PCLO: variants seen among roughly 807,000 people sequenced by gnomAD.
PCLO encodes the protein piccolo presynaptic cytomatrix protein.
Under a neutral mutation model 427.5 loss-of-function variants are expected in PCLO, and 82 were observed. The observed-to-expected ratio is 0.19, with a 90% CI of 0.16 to 0.23. The LOEUF (loss-of-function observed/expected upper bound fraction) is 0.23. Among genes scored for constraint, PCLO ranks in the 10% least tolerant of loss-of-function variants. PCLO has a pLI of 1.00. For missense variants in PCLO, 6,239 were observed against 6,115.9 expected, an observed-to-expected ratio of 1.02 and a Z score of -0.67; for synonymous variants, 2,357 against 2,155.4, an observed-to-expected ratio of 1.09 and a Z score of -2.59.
intron 6 of PCLO, among the ~76,000 whole-genome samples, chr7:82,918,222 T>A (rs1001698689): frequency 2.0e-5 from 3 of 151,996 alleles, no homozygotes; most frequent in Admixed American, 6.6e-5. Flanking sequence ...AAGGCAGCTG[T>A]TTGACATGTC....
chr7:82,765,992 C>A (rs1790524719), intron 22 of PCLO, among the ~76,000 whole-genome samples: 1 of 151,924 alleles, frequency 6.6e-6, no homozygotes, highest in South Asian at 2.1e-4. Flanking sequence ...GAAGTGATGT[C>A]TAGGAATGAA....
chr7:82,928,003 TTATC>T, intron 6 of PCLO, among the ~76,000 whole-genome samples: 1 of 152,320 alleles, frequency 6.6e-6, no homozygotes, highest in South Asian at 2.1e-4. Context: ...ATTTATTCAT[TTATC>T]TATGTGTGTA....
intron 10 of PCLO, among the ~76,000 whole-genome samples, chr7:82,873,826 T>C (rs200517735): frequency 8.3e-4 from 73 of 87,456 alleles, no homozygotes; most frequent in African/African-American, 2.7e-3. Context: ...ATTGGGGGGG[T>C]GGTTTCTGTC....
chr7:82,926,308 T>A (rs1450512342), intron 6 of PCLO, among the ~76,000 whole-genome samples: 3 of 152,122 alleles, frequency 2.0e-5, no homozygotes, highest in African/African-American at 4.8e-5. Context: ...ATTATAGACA[T>A]CTTTATTCAT....
chr7:82,765,420 G>GGAACA (rs1301630399), intron 22 of PCLO, among the ~76,000 whole-genome samples: 1 of 148,960 alleles, frequency 6.7e-6, no homozygotes, highest in Non-Finnish European at 1.5e-5. Context: ...AATAAAGTAG[G>GGAACA]GAACAGAAAA....
chr7:83,065,021 A>G (rs1023874163), intron 3 of PCLO, among the ~76,000 whole-genome samples: 1 of 149,002 alleles, frequency 6.7e-6, no homozygotes, highest in Admixed American at 6.8e-5. Flanking sequence ...TGTGTACATT[A>G]CCTCAGGCTA....
chr7:82,807,737 T>C (rs544917602), intron 20 of PCLO, among the ~76,000 whole-genome samples: 43 of 152,142 alleles, frequency 2.8e-4, no homozygotes, highest in Non-Finnish European at 4.6e-4. Flanking sequence ...AGTTAGTCAA[T>C]TGTATATCAG....
rs548757086 is a variant in PCLO, at chr7:82,921,621, A to G, written c.11113-4748T>C. Among the ~76,000 whole-genome samples, 10 of 152,166 alleles carry G rather than the reference A, an allele frequency of 6.6e-5. No homozygotes were observed. The South Asian group carries it at 1.4e-3, about 22-fold the overall frequency. On this transcript the variant is annotated intron_variant, in intron 6 of 24. Transcript: ENST00000333891. ...AAGATGGAGTGAAAACTTAAATATA[A>G]AACCTAAAACTATAAAAACCCTAGA...
intron 3 of PCLO, among the ~76,000 whole-genome samples, chr7:83,055,756 G>C (rs1789363375): frequency 6.6e-6 from 1 of 152,056 alleles, no homozygotes; most frequent in Admixed American, 6.6e-5. Context: ...TCCTACTTTT[G>C]ATTCTACACA....
chr7:82,846,626 T>G lies in PCLO; in HGVS notation c.13772A>C (p.Asn4591Thr). The G allele has an allele frequency of 2.5e-6, 4 of 1,598,484 alleles. No individual in the cohort carries two copies. Among genetic ancestry groups the G allele is most frequent in the Non-Finnish European group, 3.4e-6 (4 of 1,171,206 alleles). Residue 4591 changes from asparagine (N) to threonine (T), a missense_variant, in exon 12 of 25, where the codon AAT becomes ACT. Transcript: ENST00000333891. ...GGAATTTTCAGAATCTGATAGCATA[T>G]TGAGGTCCCTAAAAATTAAAACAAA... is the stretch of plus-strand genomic sequence containing the variant. ...EAEICVRLDL[N>T]MLSDSENSQH...
At chr7:82,826,541 G>T in intron 18 of PCLO, 48 bp downstream of exon 18, 2 of 1,219,444 alleles carry the variant, frequency 1.6e-6, no homozygotes, top group Non-Finnish European at 2.4e-6. Flanking sequence ...TGCTTTAATT[G>T]GTGGTTTACC....
intron 3 of PCLO, among the ~76,000 whole-genome samples, chr7:82,968,598 C>A (rs897710472): frequency 2.8e-5 from 4 of 145,046 alleles, no homozygotes; most frequent in African/African-American, 1.0e-4. Context: ...TGGTTCACTG[C>A]AATCTCTGCC....
chr7:82,860,813 G>T (rs1272766051), intron 10 of PCLO, among the ~76,000 whole-genome samples: 2 of 151,984 alleles, frequency 1.3e-5, no homozygotes, highest in Non-Finnish European at 2.9e-5. Context: ...AAAAAGTGGG[G>T]GGATGAAATT....
chr7:82,864,952 T>G (rs1010198237), intron 10 of PCLO, among the ~76,000 whole-genome samples: 92 of 152,156 alleles, frequency 6.0e-4, no homozygotes, highest in African/African-American at 2.1e-3. Flanking sequence ...TTAAATTCAT[T>G]TTTTCCACAG....
At chr7:82,959,886 C>A (rs867019951) in intron 4 of PCLO, among the ~76,000 whole-genome samples, 17 of 152,192 alleles carry the variant, frequency 1.1e-4, no homozygotes, top group African/African-American at 3.9e-4. Context: ...TCCAATAACC[C>A]CCTGCCATTT....
intron 5 of PCLO, 55 bp from the exon 6 acceptor site, chr7:82,951,545 A>C: frequency 1.6e-6 from 2 of 1,242,592 alleles, no homozygotes; most frequent in Non-Finnish European, 1.1e-6. Context: ...ATGCTTTTTG[A>C]GTTTGAAAAC....
Position 83,096,990 on chromosome 7 carries a change from A to AATATAATATAT in PCLO, c.3300+37259_3300+37260insATATATTATAT. Among the ~76,000 whole-genome samples, 2 of 25,596 alleles carry AATATAATATAT rather than the reference A, an allele frequency of 7.8e-5. 1 individual carries two copies. The highest frequency in any genetic ancestry group is 1.7e-3 in the South Asian group (2 of 1,196). 16.8% of individuals were successfully genotyped at this position (25,596 alleles called of 152,430 possible). Reference sequence around the variant, plus strand: ...TAATATATTATATATTATATAAATAATATATATTATATAAATAATATATAT... The same window carrying AATATAATATAT: ...TAATATATTATATATTATATAAATAAATATAATATATTATATATTATATAAATAATATATAT... On this transcript the variant is annotated intron_variant, in intron 3 of 24. Coordinates refer to ENST00000333891, the MANE Select transcript of PCLO (RefSeq NM_033026.6).
Position 83,156,332 on chromosome 7 carries a change from C to G in PCLO, c.309G>C (p.Gly103=), listed in dbSNP as rs772862667. 52 of 1,613,040 alleles carry G rather than the reference C, an allele frequency of 3.2e-5. 1 individual carries two copies. The Middle Eastern group carries it at 5.6e-3, about 173-fold the overall frequency. Reference sequence around the variant, plus strand: ...TACTGAGACCAGGTTGAGCTGGACGCCCAGGGTCCGGGGGTCTTCCTGATT... The same window carrying G: ...TACTGAGACCAGGTTGAGCTGGACGGCCAGGGTCCGGGGGTCTTCCTGATT... ...PKQSGRPPDP[G]RPAQPGLSKS... The change falls in exon 2 of 25, where the codon GGG becomes GGC. Residue 103 remains glycine (G), a synonymous_variant. Coordinates refer to ENST00000333891, the MANE Select transcript of PCLO (RefSeq NM_033026.6).
intron 6 of PCLO, among the ~76,000 whole-genome samples, chr7:82,936,406 C>T (rs1183410380): frequency 6.6e-6 from 1 of 151,576 alleles, no homozygotes; most frequent in Admixed American, 6.6e-5. Flanking sequence ...GGCTGAGAAG[C>T]ACCTAAAAAG....
Sources: allele counts gnomAD v4.1 joint callset (sites outside exome capture counted in the v4.1 genomes callset), GRCh38; gene constraint gnomAD v4.1.1; transcripts MANE v1.5; gene names NCBI Gene and HGNC (gene_info 2026-07-23, HGNC 2026-07-21).